The following MAD1L1 variants were observed in gnomAD, a reference collection of about 807,000 sequenced individuals.
MAD1L1 encodes the protein mitotic arrest deficient 1 like 1.
Under a neutral mutation model 96.9 loss-of-function variants are expected in MAD1L1, and 95 were observed. The ratio of observed to expected loss-of-function variants is 0.98; its 90% CI spans 0.83 to 1.16. The LOEUF (loss-of-function observed/expected upper bound fraction) is 1.16, where lower values mean the gene tolerates loss of function less well. Ranked by LOEUF, MAD1L1 falls within the 50% of genes most tolerant of loss-of-function variation. The probability of loss-of-function intolerance (pLI) is 0.00; values close to 1 mark genes in which losing one functional copy is unlikely to be tolerated. For missense variants in MAD1L1, 1,007 were observed against 954.4 expected (o/e 1.06, Z -0.73); for synonymous variants, 473 against 396.6 (o/e 1.19, Z -2.29).
chr7:1,870,400 C>A (rs193130019), intron 18 of MAD1L1, among the ~76,000 whole-genome samples: 1 of 144,628 alleles, frequency 6.9e-6, no homozygotes, highest in Admixed American at 6.9e-5. Context: ...CACCATAACA[C>A]CTGCCACGCT....
chr7:1,883,628 A>C (rs1015992223), intron 18 of MAD1L1, among the ~76,000 whole-genome samples: 1 of 152,070 alleles, frequency 6.6e-6, no homozygotes, highest in Non-Finnish European at 1.5e-5. Context: ...AATCCACACA[A>C]AACACTTCTG....
chr7:1,929,488 A>G (rs1197973548), intron 17 of MAD1L1, among the ~76,000 whole-genome samples: 1 of 152,090 alleles, frequency 6.6e-6, no homozygotes, highest in Non-Finnish European at 1.5e-5. Flanking sequence ...TGCCGATGGC[A>G]AGGGTTGTTT....
rs142119018 is a variant in MAD1L1 at position 2,173,707 on chromosome 7, C to G, written c.987-24469G>C. Among the ~76,000 whole-genome samples the G allele has an allele frequency of 1.2e-3, 183 of 152,334 alleles. 2 individuals carry two copies. The East Asian group carries it at 0.028, about 23-fold the overall frequency. On this transcript the variant is annotated intron_variant, in intron 10 of 18. Coordinates refer to ENST00000265854, the MANE Select transcript of MAD1L1 (RefSeq NM_001013836.2). ...TGCTTCTCCCCCAGTGACGGATATC[C>G]TGCTCCCTGCGTTCCAATCCTTCCT...
At chr7:1,987,469 G>A (rs1030994560) in intron 14 of MAD1L1, among the ~76,000 whole-genome samples, 3 of 152,156 alleles carry the variant, frequency 2.0e-5, no homozygotes, top group African/African-American at 7.2e-5. Flanking sequence ...GAAGAGAGCC[G>A]CCCATGCTGA....
intron 11 of MAD1L1, among the ~76,000 whole-genome samples, chr7:2,076,301 T>C (rs1255277750): frequency 1.3e-5 from 2 of 152,204 alleles, no homozygotes; most frequent in Admixed American, 6.5e-5. Flanking sequence ...TGAGAGGGCA[T>C]TCGGTCCTGA....
intron 14 of MAD1L1, among the ~76,000 whole-genome samples, chr7:1,996,326 C>G (rs902309126): frequency 6.7e-6 from 1 of 148,342 alleles, no homozygotes; most frequent in Non-Finnish European, 1.5e-5. Flanking sequence ...GGTCTACACA[C>G]GGCTGCTGGG....
At chr7:2,084,081 C>A (rs769734465) in intron 11 of MAD1L1, among the ~76,000 whole-genome samples, 7 of 152,268 alleles carry the variant, frequency 4.6e-5, no homozygotes, top group Non-Finnish European at 1.0e-4. Context: ...AGTTAACCAG[C>A]GGCTTCCTCT....
intron 10 of MAD1L1, among the ~76,000 whole-genome samples, chr7:2,184,436 G>C (rs1412919141): frequency 6.6e-6 from 1 of 152,124 alleles, no homozygotes; most frequent in Non-Finnish European, 1.5e-5. Context: ...AATGCAAATG[G>C]AATCTCATAC....
At chr7:2,117,301 C>T (rs1197612413) in intron 11 of MAD1L1, among the ~76,000 whole-genome samples, 1 of 152,208 alleles carries the variant, frequency 6.6e-6, no homozygotes, top group African/African-American at 2.4e-5. Context: ...AACTAACAGG[C>T]AGTCCAGCTC....
rs1336030738 is a variant in MAD1L1 at position 1,914,768 on chromosome 7, C to T, written c.1808-16378G>A. Among the ~76,000 whole-genome samples the T allele has an allele frequency of 5.9e-5, 8 of 136,552 alleles. No homozygotes were observed. In the East Asian group the frequency reaches 6.5e-4, roughly 11 times the overall value. 89.6% of individuals were successfully genotyped at this position (136,552 alleles called of 152,430 possible). A position where few individuals can be genotyped will look rare whatever the true frequency, so the allele number is the denominator to read the frequency against. On this transcript the variant is annotated intron_variant, in intron 17 of 18. Transcript: ENST00000265854. ...AGCTGGGATTACAGGCAGGTGCTAC[C>T]ACACCCGGCTAATTATTATTATTAT...
chr7:2,037,334 A>G (rs777215276), intron 12 of MAD1L1, among the ~76,000 whole-genome samples: 15 of 151,856 alleles, frequency 9.9e-5, no homozygotes, highest in Non-Finnish European at 2.1e-4. Flanking sequence ...TGTGCTGGCC[A>G]CAATAAGGAG....
At chr7:2,008,156 T>C (rs973315643) in intron 13 of MAD1L1, among the ~76,000 whole-genome samples, 2 of 152,178 alleles carry the variant, frequency 1.3e-5, no homozygotes, top group Non-Finnish European at 2.9e-5. Flanking sequence ...CTTTAAAACA[T>C]GGAATCCCCA....
intron 5 of MAD1L1, among the ~76,000 whole-genome samples, chr7:2,220,664 C>G (rs978949534): frequency 3.3e-5 from 5 of 152,218 alleles, no homozygotes; most frequent in African/African-American, 1.2e-4. Context: ...ACGTGCCCAG[C>G]TTAGGGCCTG....
rs1175144578 is a variant in MAD1L1, at chr7:2,213,245, T to C, written c.953A>G (p.Glu318Gly). ...ERLLAKLQSW[E>G]RLDQTMGLSI... Reference sequence around the variant, plus strand: ...CAGGCCCATGGTCTGGTCCAGTCTCTCCCAGCTTTGCAGCTTGGCCAGCAG... The same window carrying C: ...CAGGCCCATGGTCTGGTCCAGTCTCCCCCAGCTTTGCAGCTTGGCCAGCAG... Residue 318 changes from glutamate (E) to glycine (G), a missense_variant, in exon 10 of 19, where the codon GAG (glutamate) becomes GGG (glycine). By Grantham distance (98) the Glu-to-Gly change is moderately conservative. Transcript: ENST00000265854. 1.2e-6 allele frequency: 2 copies of C among 1,614,150 alleles called. No individual in the cohort carries two copies. Among genetic ancestry groups the C allele is most frequent in the Admixed American group, 3.3e-5 (2 of 60,028 alleles).
chr7:2,095,919 G>A lies in MAD1L1; in HGVS notation c.1074-26581C>T, dbSNP rs557919338. Among the ~76,000 whole-genome samples, 39 of 152,396 alleles carry A rather than the reference G, an allele frequency of 2.6e-4. No individual in the cohort carries two copies. In the South Asian group the frequency reaches 6.2e-3, roughly 24 times the overall value. Reference sequence around the variant, plus strand: ...AGAGAGGCGAGGTGTCTCCCTCAAGGGAGCTTTGCTTCTGTGAAGGAAGGA... The same window carrying A: ...AGAGAGGCGAGGTGTCTCCCTCAAGAGAGCTTTGCTTCTGTGAAGGAAGGA... On this transcript the variant is annotated intron_variant, in intron 11 of 18. Transcript: ENST00000265854.
intron 10 of MAD1L1, among the ~76,000 whole-genome samples, chr7:2,204,047 C>T (rs1349611598): frequency 6.6e-6 from 1 of 152,230 alleles, no homozygotes; most frequent in Admixed American, 6.5e-5. Context: ...GCTTGTTCTG[C>T]TTTTCATCAA....
At chr7:1,865,084 G>A (rs1583592270) in intron 18 of MAD1L1, among the ~76,000 whole-genome samples, 2 of 152,282 alleles carry the variant, frequency 1.3e-5, no homozygotes, top group East Asian at 3.9e-4. Flanking sequence ...CCTTCCGGGA[G>A]CATCCCTGTC....
At chr7:1,958,440 A>G (rs1166690162) in intron 15 of MAD1L1, among the ~76,000 whole-genome samples, 1 of 152,250 alleles carries the variant, frequency 6.6e-6, no homozygotes, top group African/African-American at 2.4e-5. Flanking sequence ...GTAGTGATGG[A>G]AAGATTACTC....
intron 16 of MAD1L1, among the ~76,000 whole-genome samples, chr7:1,939,906 C>T (rs563438869): frequency 2.0e-5 from 3 of 152,240 alleles, no homozygotes; most frequent in Non-Finnish European, 4.4e-5. Context: ...ATCGTGGTCC[C>T]AGAGCCCAGA....
Sources: gnomAD v4.1 joint callset for allele counts (sites outside exome capture counted in the v4.1 genomes callset) on GRCh38, gnomAD v4.1.1 for gene constraint, MANE v1.5 for transcripts, NCBI Gene and HGNC (gene_info 2026-07-23, HGNC 2026-07-21) for gene names.